KICS2: variants seen among roughly 807,000 people sequenced by gnomAD.
KICS2 encodes the protein KICSTOR subunit 2, also known as KICSTOR complex protein C12orf66.
KICS2 carries 13 observed loss-of-function variants against 31.4 expected under a neutral mutation model. The ratio of observed to expected loss-of-function variants is 0.41; its 90% CI spans 0.27 to 0.66. The LOEUF is 0.66. KICS2 is among the 30% of genes least tolerant of loss of function. The probability of loss-of-function intolerance (pLI) is 0.28; values close to 1 mark genes in which losing one functional copy is unlikely to be tolerated. For synonymous variants in KICS2, 209 were observed against 214.8 expected (o/e 0.97, Z 0.24); for missense variants, 455 against 545.4 (o/e 0.83, Z 1.65).
chr12:64,215,719 G>A lies in KICS2; in HGVS notation c.480C>T (p.Leu160=), dbSNP rs778245930. The change falls in exon 2 of 3, where the codon CTC becomes CTT. Residue 160 remains leucine (L), a synonymous_variant. Transcript: ENST00000398055. ...STQKFINAEE[L]VGLLDAIMKK... ...TCATGATGGCATCCAAAAGGCCAAC[G>A]AGCTCTTCAGCATTGATGAACTTCT... 16 of 1,613,640 alleles carry A rather than the reference G, an allele frequency of 9.9e-6. No homozygotes were observed. In the East Asian group the frequency reaches 2.0e-4, roughly 20 times the overall value.
chr12:64,196,577 G>A (rs1379797852), intron 2 of KICS2, among the ~76,000 whole-genome samples: 2 of 151,816 alleles, frequency 1.3e-5, no homozygotes, highest in African/African-American at 4.9e-5. Flanking sequence ...TTCCTCACCA[G>A]CAATGGAACA....
At chr12:64,216,043 C>G (rs936681242) in intron 1 of KICS2, 80 bp from the exon 2 acceptor site, 11 of 1,317,970 alleles carry the variant, frequency 8.3e-6, no homozygotes, top group Non-Finnish European at 1.0e-5. Flanking sequence ...CATGCAAAAG[C>G]AAAGAATCCA....
chr12:64,208,652 C>A (rs1272329508), intron 2 of KICS2, among the ~76,000 whole-genome samples: 1 of 152,106 alleles, frequency 6.6e-6, no homozygotes, highest in Non-Finnish European at 1.5e-5. Context: ...TTCTGCCTTT[C>A]GTGAGAAATT....
chr12:64,193,909 T>C lies in KICS2; in HGVS notation c.1271A>G (p.Asn424Ser), dbSNP rs1049399045. Reference sequence around the variant, plus strand: ...GTTCTTAAGGGCAAGTGAGACCTCATTGAGGAAGGAAATAAAGTGGGAGTC... The same window carrying C: ...GTTCTTAAGGGCAAGTGAGACCTCACTGAGGAAGGAAATAAAGTGGGAGTC... ...ERDSHFISFL[N>S]EVSLALKNPK... The change falls in exon 3 of 3, where the codon AAT becomes AGT. Residue 424 changes from asparagine to serine, a missense_variant. Transcript: ENST00000398055. 9.9e-6 allele frequency: 16 copies of C among 1,614,076 alleles called. No homozygotes were observed. Among genetic ancestry groups the C allele is most frequent in the Middle Eastern group, 1.6e-4 (1 of 6,084 alleles).
intron 2 of KICS2, among the ~76,000 whole-genome samples, chr12:64,209,334 C>T (rs984056866): frequency 6.6e-6 from 1 of 152,044 alleles, no homozygotes; most frequent in Non-Finnish European, 1.5e-5. Flanking sequence ...CCTATAATCC[C>T]AGCACTTTGG....
intron 2 of KICS2, among the ~76,000 whole-genome samples, chr12:64,202,924 T>C (rs1286972195): frequency 6.6e-6 from 1 of 152,104 alleles, no homozygotes; most frequent in Non-Finnish European, 1.5e-5. Context: ...ACTGTACTTC[T>C]TCCTGATTCT....
intron 2 of KICS2, among the ~76,000 whole-genome samples, chr12:64,197,471 A>G (rs1184630285): frequency 2.0e-5 from 3 of 151,410 alleles, no homozygotes; most frequent in African/African-American, 7.3e-5. Context: ...GGAAAGGAAC[A>G]ACCAGTACCA....
intron 2 of KICS2, among the ~76,000 whole-genome samples, chr12:64,212,565 T>C (rs1001647098): frequency 1.3e-5 from 2 of 152,214 alleles, no homozygotes; most frequent in African/African-American, 4.8e-5. Context: ...CATTTATTTA[T>C]CCATTCATCC....
chr12:64,192,791 T>G lies in KICS2; in HGVS notation c.*1051A>C. 1.0e-6 allele frequency: 1 copy of G among 985,500 alleles called. No individual in the cohort carries two copies. Among genetic ancestry groups the G allele is most frequent in the Non-Finnish European group, 1.2e-6 (1 of 829,952 alleles). 61.0% of individuals were successfully genotyped at this position (985,500 alleles called of 1,614,324 possible). A position where few individuals can be genotyped will look rare whatever the true frequency, so the allele number is the denominator to read the frequency against. On this transcript the variant is annotated 3_prime_UTR_variant, in exon 3 of 3. Transcript: ENST00000398055. ...ATGTGCTAAGATGCAGTGCTGCTTC[T>G]AAACATAATTTGTGGGGGGCAGGCA...
At chr12:64,186,759 G>A (rs1258920204), downstream of KICS2, 2 of 152,070 alleles carry the variant, frequency 1.3e-5, no homozygotes, top group African/African-American at 4.8e-5. Context: ...GGGTGGCTGG[G>A]GCCAGGTCAC....
chr12:64,187,334 C>A (rs2037346227), downstream of KICS2: 1 of 403,570 alleles, frequency 2.5e-6, no homozygotes, highest in South Asian at 4.8e-5. Flanking sequence ...GAACCCTAAC[C>A]CCAGATTCTG....
chr12:64,195,003 G>C (rs2136688299), intron 2 of KICS2, among the ~76,000 whole-genome samples: 1 of 149,882 alleles, frequency 6.7e-6, no homozygotes, highest in Middle Eastern at 3.5e-3. Context: ...GAGTGCAATT[G>C]TACAATCATG....
chr12:64,205,604 G>A (rs77210372), intron 2 of KICS2, among the ~76,000 whole-genome samples: 2 of 128,626 alleles, frequency 1.6e-5, no homozygotes, highest in Non-Finnish European at 1.6e-5. Flanking sequence ...AAGGAAAGGA[G>A]GGAAAAAGGG....
chr12:64,218,624 T>C (rs753887381), intron 1 of KICS2, among the ~76,000 whole-genome samples: 8 of 151,856 alleles, frequency 5.3e-5, no homozygotes, highest in African/African-American at 9.7e-5. Flanking sequence ...AGCTATCTAG[T>C]ACTATTAAAC....
chr12:64,187,715 G>T, downstream of KICS2: 1 of 1,327,420 alleles, frequency 7.5e-7, no homozygotes, highest in Non-Finnish European at 1.0e-6. Flanking sequence ...TTTGTGGGGA[G>T]TCACATAGCA....
rs781188446 is a variant in KICS2 at position 64,194,188 on chromosome 12, T to C, written c.992A>G (p.His331Arg). The change falls in exon 3 of 3, where the codon CAC becomes CGC. Residue 331 changes from histidine (H) to arginine (R), a missense_variant. By Grantham distance (29) the His-to-Arg change is conservative. Transcript: ENST00000398055. ...GSESFQGHGY[H>R]HPHSYREAPK... ...GGCCTCTCTGTAGGAATGGGGGTGGTGATAACCATGACCCTGAAAACTCTC... is the reference window on the plus strand; with the variant it reads ...GGCCTCTCTGTAGGAATGGGGGTGGCGATAACCATGACCCTGAAAACTCTC... 6.2e-7 allele frequency: 1 copy of C among 1,614,102 alleles called. No homozygotes were observed. The highest frequency in any genetic ancestry group is 8.5e-7 in the Non-Finnish European group (1 of 1,180,030).
chr12:64,191,883 C>T lies in KICS2; in HGVS notation c.*1959G>A, dbSNP rs1276397801. 8.6e-5 allele frequency: 13 copies of T among 151,640 alleles called. No individual in the cohort carries two copies. Among genetic ancestry groups the T allele is most frequent in the Admixed American group, 6.6e-4 (10 of 15,230 alleles). 9.4% of individuals were successfully genotyped at this position (151,640 alleles called of 1,614,324 possible). A position where few individuals can be genotyped will look rare whatever the true frequency, so the allele number is the denominator to read the frequency against. Reference sequence around the variant, plus strand: ...TGAGTCCAGGAGTTTGAGTCCAGCCCGAGCAACATAGTGAGACCCAGGTGT... The same window carrying T: ...TGAGTCCAGGAGTTTGAGTCCAGCCTGAGCAACATAGTGAGACCCAGGTGT... On this transcript the variant is annotated 3_prime_UTR_variant, in exon 3 of 3. Coordinates refer to ENST00000398055, the MANE Select transcript of KICS2 (RefSeq NM_152440.5).
chr12:64,193,830 G>A lies in KICS2; in HGVS notation c.*12C>T, dbSNP rs775455348. 9 of 1,604,170 alleles carry A rather than the reference G, an allele frequency of 5.6e-6. No individual in the cohort carries two copies. The highest frequency in any genetic ancestry group is 3.4e-5 in the South Asian group (3 of 89,274). On this transcript the variant is annotated 3_prime_UTR_variant, in exon 3 of 3. Transcript: ENST00000398055. ...GTTTCTAGTCTTGAAACCCCTCCAC[G>A]CAAATCACCTGCTAACCTTTGGCTC...
chr12:64,209,406 A>C (rs2037565314), intron 2 of KICS2, among the ~76,000 whole-genome samples: 1 of 151,958 alleles, frequency 6.6e-6, no homozygotes, highest in Non-Finnish European at 1.5e-5. Context: ...CCAACATGGT[A>C]AAACCTGATC....
Sources: allele counts gnomAD v4.1 joint callset (sites outside exome capture counted in the v4.1 genomes callset), GRCh38; gene constraint gnomAD v4.1.1; transcripts MANE v1.5; gene names NCBI Gene and HGNC (gene_info 2026-07-23, HGNC 2026-07-21).